ADRA1A: variants seen among roughly 807,000 people sequenced by gnomAD.
The protein encoded by ADRA1A is adrenoceptor alpha 1A, also known as alpha-1A adrenergic receptor.
ADRA1A carries 31 observed loss-of-function variants against 29.6 expected under a neutral mutation model. The observed-to-expected ratio is 1.05, with a 90% CI of 0.79 to 1.41. The LOEUF is 1.41. ADRA1A is among the 40% of genes most tolerant of loss of function. The pLI is 0.00. For missense variants in ADRA1A, 619 were observed against 601.1 expected (o/e 1.03, Z -0.31); for synonymous variants, 311 against 254.3 (o/e 1.22, Z -2.12).
At chr8:26,807,680 G>C (rs1479398002) in intron 2 of ADRA1A, among the ~76,000 whole-genome samples, 2 of 152,178 alleles carry the variant, frequency 1.3e-5, no homozygotes, top group Non-Finnish European at 2.9e-5. Flanking sequence ...ACATTGGGAA[G>C]GGTGTTTCTT....
At chr8:26,838,723 T>C (rs944559806) in intron 2 of ADRA1A, among the ~76,000 whole-genome samples, 1 of 152,224 alleles carries the variant, frequency 6.6e-6, no homozygotes. Flanking sequence ...GTAGATGCCA[T>C]TACTATCAAA....
intron 2 of ADRA1A, among the ~76,000 whole-genome samples, chr8:26,794,867 A>G (rs1323855338): frequency 6.6e-6 from 1 of 152,126 alleles, no homozygotes; most frequent in Non-Finnish European, 1.5e-5. Context: ...TTAATGAACA[A>G]TGTTCTAGAA....
In ADRA1A at chr8:26,859,366, T is replaced by C. The variant is rs1224789549; in HGVS notation, c.883+4721A>G. Among the ~76,000 whole-genome samples, 4 of 152,174 alleles carry C rather than the reference T, an allele frequency of 2.6e-5. No homozygotes were observed. In the East Asian group the frequency reaches 7.7e-4, roughly 29 times the overall value. ...TCTCTGCTCTGTCAATGGTCATGCA[T>C]GTAGAAGCTTCTCAGTGACCTCTCG... On this transcript the variant is annotated intron_variant, in intron 2 of 2. Transcript: ENST00000380573.
At chr8:26,795,784 T>G (rs1375389762) in intron 2 of ADRA1A, among the ~76,000 whole-genome samples, 2 of 152,122 alleles carry the variant, frequency 1.3e-5, no homozygotes, top group East Asian at 1.9e-4. Flanking sequence ...GAGAATATAT[T>G]AAATGACACC....
Position 26,806,382 on chromosome 8 carries a change from T to C in ADRA1A, c.884-35716A>G, listed in dbSNP as rs1808984004. 6.6e-6 allele frequency among the ~76,000 whole-genome samples: 1 copy of C among 152,030 alleles called. No individual in the cohort carries two copies. Among genetic ancestry groups the C allele is most frequent in the Non-Finnish European group, 1.5e-5 (1 of 68,014 alleles). ...AGATAGCAGGGTGCAAAAAGCCCTT[T>C]ATCCTGTTAATAGTGGCCTTAGGTA... On this transcript the variant is annotated intron_variant, in intron 2 of 2. Coordinates refer to ENST00000380573, the MANE Select transcript of ADRA1A (RefSeq NM_000680.4). This position sits in a 1 kb window ranked among gnomAD's most constrained non-coding sequence, Gnocchi z 4.6.
intron 2 of ADRA1A, among the ~76,000 whole-genome samples, chr8:26,788,011 A>G (rs186414336): frequency 6.6e-6 from 1 of 151,964 alleles, no homozygotes; most frequent in East Asian, 1.9e-4. Context: ...GTTCTGGTTT[A>G]CACAATGGTT....
downstream of ADRA1A, among the ~76,000 whole-genome samples, chr8:26,753,247 A>G (rs973086386): frequency 1.4e-4 from 21 of 152,262 alleles, no homozygotes; most frequent in African/African-American, 4.3e-4. Context: ...TGCCTTGGCT[A>G]TGGGTAACTT....
chr8:26,758,496 T>C (rs866779981), intron 2 of ADRA1A, among the ~76,000 whole-genome samples: 93 of 152,336 alleles, frequency 6.1e-4, no homozygotes, highest in Middle Eastern at 3.4e-3. Context: ...ATTTTATAGC[T>C]TTATCACCTC....
At position 26,806,766 on chromosome 8, in the gene ADRA1A, G is replaced by T. The variant is rs77445783; in HGVS notation, c.884-36100C>A. 1.5e-3 allele frequency among the ~76,000 whole-genome samples: 225 copies of T among 152,290 alleles called. 3 individuals are homozygous for T. In the East Asian group the frequency reaches 0.04, roughly 27 times the overall value. On this transcript the variant is annotated intron_variant, in intron 2 of 2. Transcript: ENST00000380573. This position sits in a 1 kb window ranked among gnomAD's most constrained non-coding sequence, Gnocchi z 4.6. ...GAAGGAGGAAATAGGAAGAGCACGT[G>T]CAGTGGCTGCTGCTAGAAGTGGCCT...
intron 2 of ADRA1A, among the ~76,000 whole-genome samples, chr8:26,811,091 T>C (rs1049633787): frequency 5.3e-5 from 8 of 152,184 alleles, no homozygotes; most frequent in African/African-American, 1.4e-4. Flanking sequence ...GAACCTTGGG[T>C]GCATTTCTTT....
chr8:26,842,907 A>ACC (rs1554509969), intron 2 of ADRA1A, among the ~76,000 whole-genome samples: 1 of 137,832 alleles, frequency 7.3e-6, no homozygotes, highest in Non-Finnish European at 1.6e-5. Flanking sequence ...ACACACACAC[A>ACC]CCACTCAAGG....
chr8:26,864,635 G>T lies in ADRA1A; in HGVS notation c.335C>A (p.Ala112Glu), dbSNP rs1428420974. 27 of 1,614,056 alleles carry T rather than the reference G, an allele frequency of 1.7e-5. No individual in the cohort carries two copies. The highest frequency in any genetic ancestry group is 2.0e-5 in the Non-Finnish European group (24 of 1,180,058). The part of the protein sequence containing the change: ...WAAVDVLCCT[A>E]SIMGLCIISI... ...GATGATGCAGAGGCCCATGATGGAC[G>T]CGGTGCAGCACAGCACATCCACTGC... is the stretch of plus-strand genomic sequence containing the variant. Residue 112 changes from alanine to glutamate, a missense_variant, in exon 2 of 3, where the codon GCG becomes GAG. Physicochemically the swap from Ala to Glu is moderately radical, Grantham distance 107. Transcript: ENST00000380573. The surrounding 1 kb of genome is among the most constrained non-coding windows in gnomAD (Gnocchi z 8.1).
intron 2 of ADRA1A, among the ~76,000 whole-genome samples, chr8:26,812,798 G>A (rs1809494197): frequency 2.0e-5 from 3 of 151,870 alleles, no homozygotes; most frequent in Admixed American, 6.6e-5. Flanking sequence ...CCGAGTAGCT[G>A]GGATTACAGG....
intron 2 of ADRA1A, among the ~76,000 whole-genome samples, chr8:26,852,583 G>C (rs1812719358): frequency 1.3e-5 from 2 of 152,070 alleles, no homozygotes; most frequent in South Asian, 4.1e-4. Flanking sequence ...ACCTCAATGA[G>C]AAGGCAAATG....
chr8:26,857,535 G>C (rs895334408), intron 2 of ADRA1A, among the ~76,000 whole-genome samples: 1 of 152,148 alleles, frequency 6.6e-6, no homozygotes, highest in Non-Finnish European at 1.5e-5. Context: ...GCCAGGCATG[G>C]TGGTGCATGC....
In ADRA1A at chr8:26,794,528, T is replaced by C. The variant is rs1808059935; in HGVS notation, c.884-23862A>G. 2.6e-5 allele frequency among the ~76,000 whole-genome samples: 4 copies of C among 152,108 alleles called. No homozygotes were observed. In the South Asian group the frequency reaches 8.3e-4, roughly 32 times the overall value. ...GTAGCTTGAATGCAACCATAGTCAT[T>C]AGGTAAATGAATGTGTGTGACTGTG... is the stretch of plus-strand genomic sequence containing the variant. On this transcript the variant is annotated intron_variant, in intron 2 of 2. Transcript: ENST00000380573.
chr8:26,781,355 C>G (rs962143785), intron 2 of ADRA1A, among the ~76,000 whole-genome samples: 3 of 152,332 alleles, frequency 2.0e-5, no homozygotes, highest in African/African-American at 7.2e-5. Flanking sequence ...TAAAGATACA[C>G]CCTCCTTCTT....
chr8:26,748,847 C>A (rs957228139), intron 2 of ADRA1A: 25 of 361,830 alleles, frequency 6.9e-5, no homozygotes, highest in Middle Eastern at 9.9e-4. Flanking sequence ...ACCCTCCCAG[C>A]TTGCATTTGG....
At chr8:26,755,584 C>T (rs1351875249), downstream of ADRA1A, among the ~76,000 whole-genome samples, 1 of 152,174 alleles carries the variant, frequency 6.6e-6, no homozygotes, top group Admixed American at 6.5e-5. Flanking sequence ...CCCTTCTTTG[C>T]CTGGAACAAC....
Sources: allele counts gnomAD v4.1 joint callset (sites outside exome capture counted in the v4.1 genomes callset), GRCh38; gene constraint gnomAD v4.1.1; non-coding constraint Gnocchi (gnomAD v3.1); transcripts MANE v1.5; gene names NCBI Gene and HGNC (gene_info 2026-07-23, HGNC 2026-07-21).